CTNNA2: variants seen among roughly 807,000 people sequenced by gnomAD.
The protein encoded by CTNNA2 is catenin alpha-2.
CTNNA2 carries 42 observed loss-of-function variants against 101.0 expected under a neutral mutation model. The ratio of observed to expected loss-of-function variants is 0.42; its 90% CI spans 0.32 to 0.54. CTNNA2 has a LOEUF of 0.54. Among genes scored for constraint, CTNNA2 ranks in the 20% least tolerant of loss-of-function variants. The probability of loss-of-function intolerance (pLI) is 0.14; values close to 1 mark genes in which losing one functional copy is unlikely to be tolerated. For missense variants in CTNNA2, 871 were observed against 1,223.1 expected, an observed-to-expected ratio of 0.71 and a Z score of 4.29; for synonymous variants, 450 against 456.4, an observed-to-expected ratio of 0.99 and a Z score of 0.18.
At chr2:79,859,596 A>G (rs1316696411) in intron 4 of CTNNA2, among the ~76,000 whole-genome samples, 1 of 150,942 alleles carries the variant, frequency 6.6e-6, no homozygotes, top group East Asian at 2.0e-4. Context: ...GGGGACACCA[A>G]GAAACTGCTT....
At chr2:79,997,107 A>C (rs931174938) in intron 7 of CTNNA2, among the ~76,000 whole-genome samples, 1 of 152,106 alleles carries the variant, frequency 6.6e-6, no homozygotes, top group African/African-American at 2.4e-5. Flanking sequence ...CTCTTCCTTT[A>C]TAAGTCTCTT....
chr2:79,189,841 T>C (rs566962852), intron 1 of CTNNA2, among the ~76,000 whole-genome samples: 80 of 152,280 alleles, frequency 5.3e-4, no homozygotes, highest in African/African-American at 1.8e-3. Context: ...AAGAGACTTT[T>C]TAACAGATTT....
At chr2:79,491,242 G>A (rs1376576262) in intron 4 of CTNNA2, among the ~76,000 whole-genome samples, 1 of 152,026 alleles carries the variant, frequency 6.6e-6, no homozygotes, top group Non-Finnish European at 1.5e-5. Context: ...TGACTTTGAA[G>A]CCCATCACAA....
intron 4 of CTNNA2, among the ~76,000 whole-genome samples, chr2:79,374,657 A>G (rs1677945759): frequency 6.6e-6 from 1 of 152,002 alleles, no homozygotes; most frequent in Non-Finnish European, 1.5e-5. Flanking sequence ...TTGATATTTT[A>G]GTGGAAATTT....
chr2:79,867,514 G>T (rs1240387078), intron 4 of CTNNA2, among the ~76,000 whole-genome samples: 1 of 152,002 alleles, frequency 6.6e-6, no homozygotes, highest in African/African-American at 2.4e-5. Flanking sequence ...TCTGCCCCGT[G>T]ATTCTTTGTG....
At chr2:80,426,679 A>C (rs1369256925) in intron 9 of CTNNA2, among the ~76,000 whole-genome samples, 1 of 152,226 alleles carries the variant, frequency 6.6e-6, no homozygotes, top group Middle Eastern at 3.4e-3. Context: ...AAAGAAGCTT[A>C]CGTGGCTTTC....
At chr2:80,315,751 T>G (rs534013348) in intron 7 of CTNNA2, among the ~76,000 whole-genome samples, 1 of 152,348 alleles carries the variant, frequency 6.6e-6, no homozygotes, top group South Asian at 2.1e-4. Flanking sequence ...GAAGAATTTA[T>G]AGTTGTTTTT....
rs1676581022 is a variant in CTNNA2, at chr2:80,303,538, G to T, written c.1057-89673G>T. On this transcript the variant is annotated intron_variant, in intron 7 of 18. Coordinates refer to ENST00000402739, the MANE Select transcript of CTNNA2 (RefSeq NM_001282597.3). The surrounding 1 kb of genome is among the most constrained non-coding windows in gnomAD (Gnocchi z 7.7). Reference sequence around the variant, plus strand: ...AGCAGATGTGATTGTGATCCAGATAGAGCCACGTGAGCTGCATTAACCCCG... The same window carrying T: ...AGCAGATGTGATTGTGATCCAGATATAGCCACGTGAGCTGCATTAACCCCG... 1 of 1,614,258 alleles carries T rather than the reference G, an allele frequency of 6.2e-7. No homozygotes were observed. Among genetic ancestry groups the T allele is most frequent in the Non-Finnish European group, 8.5e-7 (1 of 1,180,054 alleles).
chr2:80,471,281 GT>G (rs1559137322), intron 9 of CTNNA2, among the ~76,000 whole-genome samples: 1 of 152,184 alleles, frequency 6.6e-6, no homozygotes, highest in Non-Finnish European at 1.5e-5. Context: ...GAAAGCCAGG[GT>G]GCTTCCACGA....
intron 7 of CTNNA2, among the ~76,000 whole-genome samples, chr2:80,163,830 T>G (rs1344502493): frequency 6.6e-6 from 1 of 152,108 alleles, no homozygotes; most frequent in African/African-American, 2.4e-5. Context: ...GTTGCTTTTT[T>G]CATTGATTAA....
chr2:80,530,566 G>C (rs1300346422), intron 9 of CTNNA2, among the ~76,000 whole-genome samples: 1 of 152,212 alleles, frequency 6.6e-6, no homozygotes, highest in Non-Finnish European at 1.5e-5. Context: ...TTGTTCATAA[G>C]TGGTATTAAG....
intron 1 of CTNNA2, among the ~76,000 whole-genome samples, chr2:79,597,483 A>G: frequency 6.6e-6 from 1 of 150,702 alleles, no homozygotes; most frequent in African/African-American, 2.5e-5. Context: ...AAAAAAAAAG[A>G]AATATTAGCT....
At position 79,410,955 on chromosome 2, in the gene CTNNA2, T is replaced by C. The variant is rs561886952; in HGVS notation, c.-135+36942T>C. 7.3e-3 allele frequency among the ~76,000 whole-genome samples: 1,106 copies of C among 152,310 alleles called. 7 individuals carry two copies. Among genetic ancestry groups the C allele is most frequent in the Admixed American group, 0.018 (274 of 15,290 alleles). On this transcript the variant is annotated intron_variant, in intron 4 of 21. Transcript: ENST00000466387. Reference sequence around the variant, plus strand: ...TGGACTCTTTTTGGTTAGTAAGCTATTGATTATTGCCACAATTTCAGATCC... The same window carrying C: ...TGGACTCTTTTTGGTTAGTAAGCTACTGATTATTGCCACAATTTCAGATCC...
chr2:79,760,669 A>C (rs931972700), intron 3 of CTNNA2, among the ~76,000 whole-genome samples: 3 of 152,254 alleles, frequency 2.0e-5, no homozygotes, highest in African/African-American at 7.2e-5. Context: ...TGCCTGACCA[A>C]CTTCACAGAA....
chr2:80,249,194 T>C (rs1310697600), intron 7 of CTNNA2, among the ~76,000 whole-genome samples: 1 of 152,214 alleles, frequency 6.6e-6, no homozygotes, highest in African/African-American at 2.4e-5. Flanking sequence ...GAGTCCATGT[T>C]TGACACTGTT....
At chr2:79,363,756 G>A (rs1677683284) in intron 3 of CTNNA2, among the ~76,000 whole-genome samples, 2 of 152,110 alleles carry the variant, frequency 1.3e-5, no homozygotes, top group South Asian at 4.1e-4. Flanking sequence ...CTCTATATAA[G>A]CCAAGTCATT....
At chr2:79,852,752 T>C (rs1426391144) in intron 3 of CTNNA2, among the ~76,000 whole-genome samples, 1 of 151,872 alleles carries the variant, frequency 6.6e-6, no homozygotes, top group African/African-American at 2.4e-5. Flanking sequence ...CCACCACGCC[T>C]AGCTAATTTT....
rs12472175 is a variant in CTNNA2, at chr2:80,045,101, A to G, written c.1056+135304A>G. ...AATGGTCTCAGGGCAGCTGGACTTC[A>G]GAAATGGTGGATGGCTTTCCCTAGA... On this transcript the variant is annotated intron_variant, in intron 7 of 18. Coordinates refer to ENST00000402739, the MANE Select transcript of CTNNA2 (RefSeq NM_001282597.3). Among the ~76,000 whole-genome samples, 329 of 152,328 alleles carry G rather than the reference A, an allele frequency of 2.2e-3. 6 individuals carry two copies. Among genetic ancestry groups the G allele is most frequent in the Admixed American group, 0.018 (282 of 15,298 alleles).
intron 12 of CTNNA2, among the ~76,000 whole-genome samples, chr2:80,570,406 G>C (rs1388793625): frequency 6.6e-6 from 1 of 152,190 alleles, no homozygotes; most frequent in Non-Finnish European, 1.5e-5. Context: ...CAGCAATGTG[G>C]AGAGCAGAGG....
Sources: gnomAD v4.1 joint callset for allele counts (sites outside exome capture counted in the v4.1 genomes callset) on GRCh38, gnomAD v4.1.1 for gene constraint, Gnocchi (gnomAD v3.1) non-coding constraint, MANE v1.5 for transcripts, NCBI Gene and HGNC (gene_info 2026-07-23, HGNC 2026-07-21) for gene names.